PNPLA7: variants seen among roughly 807,000 people sequenced by gnomAD.
PNPLA7 encodes patatin like domain 7, lysophospholipase.
Under a neutral mutation model 161.7 loss-of-function variants are expected in PNPLA7, and 153 were observed. That is an observed-to-expected ratio of 0.95 (90% CI 0.83 to 1.08). The LOEUF (loss-of-function observed/expected upper bound fraction) is 1.08. Among genes scored for constraint, PNPLA7 ranks in the 50% least tolerant of loss-of-function variants. The pLI, the probability that PNPLA7 is intolerant of heterozygous loss-of-function variation, is 0.00. For missense variants in PNPLA7, 1,739 were observed against 1,856.6 expected (o/e 0.94, Z 1.16); for synonymous variants, 809 against 782.1 (o/e 1.03, Z -0.57).
intron 26 of PNPLA7, chr9:137,464,678 G>A (rs541069869): frequency 1.9e-4 from 109 of 571,920 alleles, no homozygotes; most frequent in East Asian, 1.7e-3. Context: ...GCCCACCCTC[G>A]GTCCCTTCCT....
Position 137,550,271 on chromosome 9 carries a change from C to T in PNPLA7, c.-74G>A. 6.6e-7 allele frequency: 1 copy of T among 1,515,992 alleles called. No homozygotes were observed. The allele number at this position is 1,515,992 out of a possible 1,614,324, so 93.9% of individuals were successfully genotyped here. On this transcript the variant is annotated 5_prime_UTR_variant, in exon 1 of 35. Transcript: ENST00000406427. Reference sequence around the variant, plus strand: ...GCAAACAAGGGCACACCTCTACCCGCTCATGCTCACACCTGGACACTTTTC... The same window carrying T: ...GCAAACAAGGGCACACCTCTACCCGTTCATGCTCACACCTGGACACTTTTC...
At chr9:137,480,801 G>T in intron 22 of PNPLA7, 159 bp downstream of exon 22, 1 of 882,186 alleles carries the variant, frequency 1.1e-6, no homozygotes, top group Non-Finnish European at 1.8e-6. Context: ...GCTGCCCAGT[G>T]TGTCCAGTGA....
At chr9:137,531,200 T>C (rs934401217) in intron 8 of PNPLA7, among the ~76,000 whole-genome samples, 3 of 152,104 alleles carry the variant, frequency 2.0e-5, no homozygotes, top group Admixed American at 6.6e-5. Context: ...AATCACGGCC[T>C]GCTCCAGACT....
Position 137,464,049 on chromosome 9 carries a change from A to G in PNPLA7, c.3226+77T>C, listed in dbSNP as rs185405031. ...TTCAGGAGACCCCGCGGCCTTCCCA[A>G]CCCCTGGGGCTGCTGAGCTCTCCCC... is the stretch of plus-strand genomic sequence containing the variant. On this transcript the variant is annotated intron_variant, in intron 28 of 34. Transcript: ENST00000406427. The G allele has an allele frequency of 7.3e-6, 11 of 1,510,502 alleles. No homozygotes were observed. In the East Asian group the frequency reaches 2.6e-4, roughly 35 times the overall value. The allele number at this position is 1,510,502 out of a possible 1,614,324, so 93.6% of individuals were successfully genotyped here.
At chr9:137,542,996 T>C (rs1437222808) in intron 6 of PNPLA7, among the ~76,000 whole-genome samples, 195 bp from the exon 7 acceptor site, 2 of 152,174 alleles carry the variant, frequency 1.3e-5, no homozygotes, top group Non-Finnish European at 2.9e-5. Flanking sequence ...GTGAGCCTGT[T>C]TTCCATCACC....
chr9:137,461,466 G>A (rs1831192761), intron 33 of PNPLA7, 70 bp downstream of exon 33: 1 of 1,464,360 alleles, frequency 6.8e-7, no homozygotes, highest in Non-Finnish European at 9.3e-7. Flanking sequence ...TGGGGTGGGG[G>A]GGTTCAAGCC....
chr9:137,541,540 G>C lies in PNPLA7; in HGVS notation c.667-818C>G, dbSNP rs1332050859. On this transcript the variant is annotated intron_variant, in intron 7 of 34. Transcript: ENST00000406427. This position sits in a 1 kb window ranked among gnomAD's most constrained non-coding sequence, Gnocchi z 4.4. ...CAGCTGGCAGGAGCCCTGCAGGTCA[G>C]GGTGATGATCACACAAAGCCCAGGG... 2 of 971,940 alleles carry C rather than the reference G, an allele frequency of 2.1e-6. No individual in the cohort carries two copies. The highest frequency in any genetic ancestry group is 1.8e-5 in the African/African-American group (1 of 56,984). 60.2% of individuals were successfully genotyped at this position (971,940 alleles called of 1,614,324 possible). A position where few individuals can be genotyped will look rare whatever the true frequency, so the allele number is the denominator to read the frequency against.
Position 137,543,685 on chromosome 9 carries a change from G to T in PNPLA7, c.365+39C>A, listed in dbSNP as rs767420875. The T allele has an allele frequency of 1.9e-6, 3 of 1,611,196 alleles. No homozygotes were observed. The African/African-American group carries it at 4.0e-5, about 22-fold the overall frequency. ...GTTGGGGAGGCCAGCACCATGGGGG[G>T]CACCTGGGGCAGGATGTGGTCTGAA... is the stretch of plus-strand genomic sequence containing the variant. On this transcript the variant is annotated intron_variant, in intron 5 of 34. Transcript: ENST00000406427. This position sits in a 1 kb window ranked among gnomAD's most constrained non-coding sequence, Gnocchi z 6.9.
At chr9:137,521,791 G>A in intron 9 of PNPLA7, 75 bp from the exon 10 acceptor site, 2 of 1,341,710 alleles carry the variant, frequency 1.5e-6, no homozygotes. Context: ...ACCACACAGA[G>A]CACTGAGAAC....
intron 12 of PNPLA7, chr9:137,509,640 G>A (rs1030133195): frequency 9.6e-6 from 4 of 415,868 alleles, no homozygotes; most frequent in African/African-American, 2.0e-5. Flanking sequence ...TGGCGTGAAT[G>A]AGTTTAGCTG....
chr9:137,529,297 A>G (rs895928053), intron 8 of PNPLA7, among the ~76,000 whole-genome samples: 3 of 152,164 alleles, frequency 2.0e-5, no homozygotes, highest in Non-Finnish European at 2.9e-5. Context: ...GCCCAGGCCA[A>G]CCTTCTGTTT....
chr9:137,550,295 T>C lies in PNPLA7; in HGVS notation c.-98A>G. ...GCTCATGCTCACACCTGGACACTTT[T>C]CCCTGGGTTCCTTTCAAGTCAAATT... On this transcript the variant is annotated 5_prime_UTR_variant, in exon 1 of 35. Coordinates refer to ENST00000406427, the MANE Select transcript of PNPLA7 (RefSeq NM_001098537.3). The C allele has an allele frequency of 7.6e-7, 1 of 1,317,518 alleles. No individual in the cohort carries two copies. The highest frequency in any genetic ancestry group is 1.1e-6 in the Non-Finnish European group (1 of 914,120). 81.6% of individuals were successfully genotyped at this position (1,317,518 alleles called of 1,614,324 possible).
chr9:137,467,343 G>T lies in PNPLA7; in HGVS notation c.3013C>A (p.Arg1005=). 1 of 1,613,496 alleles carries T rather than the reference G, an allele frequency of 6.2e-7. No individual in the cohort carries two copies. Among genetic ancestry groups the T allele is most frequent in the Non-Finnish European group, 8.5e-7 (1 of 1,179,932 alleles). ...YSEERNYSQM[R]IRAKQWAEGM... ...TCGGCCCACTGCTTGGCCCGGATCC[G>T]CATCTGGCTGTAGTTCCGCTCCTCA... The change falls in exon 26 of 35, where the codon CGG becomes AGG. Residue 1005 remains arginine, a synonymous_variant. Coordinates refer to ENST00000406427, the MANE Select transcript of PNPLA7 (RefSeq NM_001098537.3). This position sits in a 1 kb window ranked among gnomAD's most constrained non-coding sequence, Gnocchi z 5.1.
chr9:137,548,855 G>A (rs542639471), intron 1 of PNPLA7, among the ~76,000 whole-genome samples: 9 of 152,244 alleles, frequency 5.9e-5, no homozygotes, highest in South Asian at 2.1e-4. Context: ...TGAGCCCTTC[G>A]AACTTGGTTC....
rs374238631 is a variant in PNPLA7, at chr9:137,521,112, T to C, written c.957+524A>G. On this transcript the variant is annotated intron_variant, in intron 10 of 34. Transcript: ENST00000406427. ...GGGGAGGGGCAGCCTCTGCTTGACA[T>C]GGCTGTAGGGACCCCATGGGATGGG... Among the ~76,000 whole-genome samples the C allele has an allele frequency of 3.7e-4, 56 of 150,058 alleles. No individual in the cohort carries two copies. In the East Asian group the frequency reaches 0.011, roughly 29 times the overall value.
rs765172076 is a variant in PNPLA7 at position 137,462,993 on chromosome 9, G to T, written c.3344-160C>A. On this transcript the variant is annotated intron_variant, in intron 29 of 34. Transcript: ENST00000406427. The stretch of plus-strand genomic sequence containing the variant: ...AAGACCCACATGCCCAGCTCGATGG[G>T]CAGCTGTGGGCACACGGCTGTGTCC... 71 of 951,922 alleles carry T rather than the reference G, an allele frequency of 7.5e-5. No individual in the cohort carries two copies. In the Middle Eastern group the frequency reaches 1.5e-3, roughly 20 times the overall value. The allele number at this position is 951,922 out of a possible 1,614,324, so 59.0% of individuals were successfully genotyped here.
In PNPLA7 at chr9:137,462,933, G is replaced by T; in HGVS notation, c.3344-100C>A. 2.0e-6 allele frequency: 3 copies of T among 1,502,720 alleles called. No homozygotes were observed. The South Asian group carries it at 3.7e-5, about 19-fold the overall frequency. 93.1% of individuals were successfully genotyped at this position (1,502,720 alleles called of 1,614,324 possible). On this transcript the variant is annotated intron_variant, in intron 29 of 34. Coordinates refer to ENST00000406427, the MANE Select transcript of PNPLA7 (RefSeq NM_001098537.3). The stretch of plus-strand genomic sequence containing the variant: ...CCGAGCCCTGACGTGGGGGTTGTGG[G>T]GTCTCCTCTCCGCCATTACACCTTC...
At chr9:137,512,138 G>T (rs1267885993) in intron 12 of PNPLA7, among the ~76,000 whole-genome samples, 2 of 152,238 alleles carry the variant, frequency 1.3e-5, no homozygotes, top group Non-Finnish European at 2.9e-5. Flanking sequence ...TGCACATGAA[G>T]AGAAAACTCA....
chr9:137,532,179 A>G (rs1835615861), intron 8 of PNPLA7, among the ~76,000 whole-genome samples: 1 of 152,232 alleles, frequency 6.6e-6, no homozygotes, highest in African/African-American at 2.4e-5. Context: ...GTTCACACCT[A>G]TAATCCCAGC....
Sources: allele counts gnomAD v4.1 joint callset (sites outside exome capture counted in the v4.1 genomes callset), GRCh38; gene constraint gnomAD v4.1.1; non-coding constraint Gnocchi (gnomAD v3.1); transcripts MANE v1.5; gene names NCBI Gene and HGNC (gene_info 2026-07-23, HGNC 2026-07-21).